Variants in PLEKHA2 observed in about 807,000 individuals in gnomAD.
PLEKHA2 encodes pleckstrin homology domain containing A2.
Under a neutral mutation model 53.2 loss-of-function variants are expected in PLEKHA2, and 28 were observed. That is an observed-to-expected ratio of 0.53 (90% CI 0.39 to 0.72). PLEKHA2 has a LOEUF of 0.72. Ranked by LOEUF, PLEKHA2 falls within the 30% of genes least tolerant of loss-of-function variation. The pLI, the probability that PLEKHA2 is intolerant of heterozygous loss-of-function variation, is 0.00. For synonymous variants in PLEKHA2, 193 were observed against 196.4 expected, an observed-to-expected ratio of 0.98 and a Z score of 0.14; for missense variants, 426 against 537.9, an observed-to-expected ratio of 0.79 and a Z score of 2.06.
rs760170824 is a variant in PLEKHA2 at position 38,950,806 on chromosome 8, T to C, written c.346-44T>C. 2.5e-6 allele frequency: 4 copies of C among 1,587,372 alleles called. No individual in the cohort carries two copies. In the Admixed American group the frequency reaches 5.3e-5, roughly 21 times the overall value. On this transcript the variant is annotated intron_variant, in intron 5 of 11. Transcript: ENST00000617275. ...TCTGTTTTGGGCTCCCCATGTTTCC[T>C]AAATGTTCTGTTCCCCATTGATTGT...
chr8:38,947,315 T>C (rs1263926340), intron 5 of PLEKHA2, among the ~76,000 whole-genome samples: 1 of 152,082 alleles, frequency 6.6e-6, no homozygotes, highest in Non-Finnish European at 1.5e-5. Flanking sequence ...CTGGGCGTGG[T>C]GGCACACGCC....
At chr8:38,948,008 C>T (rs1262593309) in intron 5 of PLEKHA2, among the ~76,000 whole-genome samples, 1 of 150,816 alleles carries the variant, frequency 6.6e-6, no homozygotes, top group Non-Finnish European at 1.5e-5. Flanking sequence ...ATCACTTGAA[C>T]CCAGGAGCTG....
chr8:38,929,237 C>T lies in PLEKHA2; in HGVS notation c.142-6757C>T, dbSNP rs186823967. Among the ~76,000 whole-genome samples the T allele has an allele frequency of 5.3e-4, 81 of 152,314 alleles. No individual in the cohort carries two copies. In the East Asian group the frequency reaches 0.013, roughly 25 times the overall value. On this transcript the variant is annotated intron_variant, in intron 2 of 11. Coordinates refer to ENST00000617275, the MANE Select transcript of PLEKHA2 (RefSeq NM_021623.2). ...GCTTTTTACTGTCTGCTGGACACCC[C>T]AGGGGCCTGTAAGAGAAGGTCAGAT...
intron 1 of PLEKHA2, among the ~76,000 whole-genome samples, chr8:38,912,848 C>A (rs564203210): frequency 1.2e-4 from 18 of 152,080 alleles, no homozygotes; most frequent in Non-Finnish European, 2.1e-4. Flanking sequence ...TCCTTCCCCC[C>A]ACCTCCCACA....
intron 1 of PLEKHA2, among the ~76,000 whole-genome samples, chr8:38,906,538 A>G (rs1172929810): frequency 1.3e-5 from 2 of 152,058 alleles, no homozygotes; most frequent in Non-Finnish European, 2.9e-5. Context: ...GCCCCCCGCC[A>G]TTCCTGTACA....
rs753195302 is a variant in PLEKHA2, at chr8:38,936,094, G to A, written c.198+44G>A. On this transcript the variant is annotated intron_variant, in intron 3 of 11. Transcript: ENST00000617275. ...TCTGGGAATTCATGCTCTGTAAGTCGATCTGGTTTCTAAGCAAGGGGAAGT... is the reference window on the plus strand; with the variant it reads ...TCTGGGAATTCATGCTCTGTAAGTCAATCTGGTTTCTAAGCAAGGGGAAGT... The A allele has an allele frequency of 5.0e-6, 8 of 1,589,834 alleles. No homozygotes were observed. In the Admixed American group the frequency reaches 6.7e-5, roughly 13 times the overall value.
chr8:38,949,376 G>A (rs1834782775), intron 5 of PLEKHA2, among the ~76,000 whole-genome samples: 1 of 152,150 alleles, frequency 6.6e-6, no homozygotes, highest in South Asian at 2.1e-4. Context: ...GTTCTGCTGG[G>A]GAGAATGGTA....
chr8:38,962,139 C>G (rs1414743966), intron 10 of PLEKHA2, among the ~76,000 whole-genome samples: 3 of 152,092 alleles, frequency 2.0e-5, no homozygotes, highest in Non-Finnish European at 2.9e-5. Flanking sequence ...ATTATGGAAC[C>G]AACTGGGAAG....
At chr8:38,926,149 CAA>C (rs2129417157) in intron 2 of PLEKHA2, among the ~76,000 whole-genome samples, 1 of 152,264 alleles carries the variant, frequency 6.6e-6, no homozygotes, top group Admixed American at 6.5e-5. Flanking sequence ...ATTGTTTGGG[CAA>C]AGTGTCTTCA....
chr8:38,954,854 G>A (rs537003778), intron 9 of PLEKHA2, among the ~76,000 whole-genome samples: 1 of 152,102 alleles, frequency 6.6e-6, no homozygotes, highest in African/African-American at 2.4e-5. Flanking sequence ...CCAACATAGC[G>A]AAACCCCTTC....
intron 6 of PLEKHA2, among the ~76,000 whole-genome samples, chr8:38,951,729 C>A (rs1834847671): frequency 6.6e-6 from 1 of 151,916 alleles, no homozygotes; most frequent in Non-Finnish European, 1.5e-5. Context: ...TTTTTAGAGA[C>A]AAGGTCTCGC....
intron 10 of PLEKHA2, among the ~76,000 whole-genome samples, chr8:38,966,572 C>T (rs947651389): frequency 1.3e-5 from 2 of 152,168 alleles, no homozygotes; most frequent in African/African-American, 4.8e-5. Context: ...CCCTATAAAG[C>T]TGGAGGGCAC....
At chr8:38,907,608 A>G (rs75711612) in intron 1 of PLEKHA2, among the ~76,000 whole-genome samples, 10,432 of 152,004 alleles carry the variant, frequency 0.069, 1,207 homozygotes, top group African/African-American at 0.24. Flanking sequence ...AAAAAATACA[A>G]AAATTAGCTG....
chr8:38,938,112 G>A (rs1052471465), intron 3 of PLEKHA2, among the ~76,000 whole-genome samples: 3 of 152,276 alleles, frequency 2.0e-5, no homozygotes, highest in East Asian at 3.9e-4. Flanking sequence ...TCCACCCGCC[G>A]ACTGCACAGC....
Position 38,936,020 on chromosome 8 carries a change from T to A in PLEKHA2, c.168T>A (p.Val56=), listed in dbSNP as rs1277525140. ...ATCTGGCAATGGGGGCAGGAGCTGTTGGAGCTTTGCAGCTGACCTACATCT... is the reference window on the plus strand; with the variant it reads ...ATCTGGCAATGGGGGCAGGAGCTGTAGGAGCTTTGCAGCTGACCTACATCT... ...PQNLAMGAGA[V]GALQLTYISK... is the part of the protein sequence containing the mutation. Residue 56 remains valine (V), a synonymous_variant, in exon 3 of 12, where the codon GTT becomes GTA. Coordinates refer to ENST00000617275, the MANE Select transcript of PLEKHA2 (RefSeq NM_021623.2). 6.2e-7 allele frequency: 1 copy of A among 1,613,682 alleles called. No individual in the cohort carries two copies. The highest frequency in any genetic ancestry group is 1.7e-5 in the Admixed American group (1 of 60,018).
At chr8:38,919,485 G>A (rs2152368739) in intron 2 of PLEKHA2, among the ~76,000 whole-genome samples, 1 of 152,338 alleles carries the variant, frequency 6.6e-6, no homozygotes, top group Middle Eastern at 3.4e-3. Context: ...GGTCATGGCT[G>A]TGTTGGGATG....
At position 38,957,304 on chromosome 8, in the gene PLEKHA2, T is replaced by G. The variant is rs372633340; in HGVS notation, c.774-19T>G. 17 of 1,600,782 alleles carry G rather than the reference T, an allele frequency of 1.1e-5. No individual in the cohort carries two copies. Among genetic ancestry groups the G allele is most frequent in the Non-Finnish European group, 1.4e-5 (16 of 1,168,460 alleles). On this transcript the variant is annotated intron_variant, in intron 9 of 11. Coordinates refer to ENST00000617275, the MANE Select transcript of PLEKHA2 (RefSeq NM_021623.2). Reference sequence around the variant, plus strand: ...AGTATGTCAGCACGCCATAACATTCTTTCTCTTTCTCTGTCTAGTGATCTC... The same window carrying G: ...AGTATGTCAGCACGCCATAACATTCGTTCTCTTTCTCTGTCTAGTGATCTC...
At chr8:38,955,691 C>T (rs558672533) in intron 9 of PLEKHA2, among the ~76,000 whole-genome samples, 8 of 152,302 alleles carry the variant, frequency 5.3e-5, no homozygotes, top group East Asian at 1.9e-4. Flanking sequence ...TGGCACTGGC[C>T]GAGGTAGTGC....
chr8:38,935,732 T>C (rs1317372827), intron 2 of PLEKHA2, among the ~76,000 whole-genome samples: 3 of 152,208 alleles, frequency 2.0e-5, no homozygotes, highest in Admixed American at 6.5e-5. Context: ...GCACACACTT[T>C]TACCACTGTA....
Sources: allele counts gnomAD v4.1 joint callset (sites outside exome capture counted in the v4.1 genomes callset), GRCh38; gene constraint gnomAD v4.1.1; transcripts MANE v1.5; gene names NCBI Gene and HGNC (gene_info 2026-07-23, HGNC 2026-07-21).